The following ZNF423 variants were observed in gnomAD, a reference collection of about 807,000 sequenced individuals.
ZNF423 encodes Ebf-associated zinc finger protein.
ZNF423 carries 12 observed loss-of-function variants against 95.8 expected under a neutral mutation model. The observed-to-expected ratio is 0.13, with a 90% CI of 0.08 to 0.20. The LOEUF (loss-of-function observed/expected upper bound fraction) is 0.20. ZNF423 is among the 10% of genes least tolerant of loss of function. The pLI is 1.00. For missense variants in ZNF423, 1,316 were observed against 1,737.1 expected (o/e 0.76, Z 4.31); for synonymous variants, 749 against 711.9 (o/e 1.05, Z -0.83).
At chr16:49,748,571 C>A (rs1472999040) in intron 2 of ZNF423, among the ~76,000 whole-genome samples, 1 of 152,198 alleles carries the variant, frequency 6.6e-6, no homozygotes, top group Non-Finnish European at 1.5e-5. Context: ...AGAACATCTG[C>A]CAGCTGGCCG....
intron 5 of ZNF423, among the ~76,000 whole-genome samples, chr16:49,544,308 T>G (rs563100662): frequency 6.6e-5 from 10 of 152,224 alleles, no homozygotes; most frequent in Non-Finnish European, 1.3e-4. Flanking sequence ...GATCTGGATG[T>G]GTTCTATTTC....
At chr16:49,536,098 C>T (rs1051133155) in intron 5 of ZNF423, among the ~76,000 whole-genome samples, 1 of 152,134 alleles carries the variant, frequency 6.6e-6, no homozygotes, top group Non-Finnish European at 1.5e-5. Context: ...CTGACAGTTA[C>T]CAACGGGCAC....
intron 1 of ZNF423, among the ~76,000 whole-genome samples, chr16:49,818,741 G>A (rs930913549): frequency 6.6e-6 from 1 of 151,266 alleles, no homozygotes; most frequent in East Asian, 2.0e-4. Context: ...AAATAAATTA[G>A]CTGAGTGTGA....
intron 1 of ZNF423, among the ~76,000 whole-genome samples, chr16:49,805,396 T>C (rs1452395611): frequency 2.0e-5 from 3 of 152,232 alleles, no homozygotes; most frequent in Non-Finnish European, 4.4e-5. Flanking sequence ...GTACTCATCT[T>C]ACAGGTGGAA....
intron 2 of ZNF423, among the ~76,000 whole-genome samples, chr16:49,732,894 C>T (rs142863761): frequency 1.3e-5 from 2 of 152,318 alleles, no homozygotes; most frequent in Non-Finnish European, 2.9e-5. Context: ...CCTGGAACTG[C>T]GCGGAGGCAG....
At chr16:49,826,094 C>T (rs1288721958) in intron 1 of ZNF423, among the ~76,000 whole-genome samples, 1 of 152,160 alleles carries the variant, frequency 6.6e-6, no homozygotes, top group African/African-American at 2.4e-5. Context: ...CACCTGTAGT[C>T]CCAGCTCCTC....
At chr16:49,508,501 G>A (rs1052150526) in intron 7 of ZNF423, among the ~76,000 whole-genome samples, 38 of 101,806 alleles carry the variant, frequency 3.7e-4, no homozygotes, top group South Asian at 1.5e-3. Flanking sequence ...GCCTGAGCAA[G>A]ATTCTCTTTC....
intron 6 of ZNF423, among the ~76,000 whole-genome samples, chr16:49,525,047 A>G (rs543552163): frequency 6.6e-6 from 1 of 152,318 alleles, no homozygotes; most frequent in East Asian, 1.9e-4. Flanking sequence ...CCGGGAGGGG[A>G]AAACTGCCGC....
chr16:49,808,548 T>C (rs1323339699), intron 1 of ZNF423, among the ~76,000 whole-genome samples: 3 of 152,012 alleles, frequency 2.0e-5, no homozygotes, highest in South Asian at 4.1e-4. Context: ...GCACCTCTGA[T>C]AAAGAGGTGC....
chr16:49,596,172 G>GA (rs912253655), intron 5 of ZNF423, among the ~76,000 whole-genome samples: 4 of 151,472 alleles, frequency 2.6e-5, no homozygotes, highest in African/African-American at 7.3e-5. Flanking sequence ...TTTACATTGG[G>GA]AAAAAAAAAT....
intron 7 of ZNF423, among the ~76,000 whole-genome samples, chr16:49,510,278 G>C (rs186544446): frequency 3.9e-5 from 6 of 152,200 alleles, no homozygotes; most frequent in Non-Finnish European, 8.8e-5. Context: ...TCCAGGTGAC[G>C]ACAATGAGTC....
intron 2 of ZNF423, among the ~76,000 whole-genome samples, chr16:49,782,394 T>C (rs772421287): frequency 6.6e-6 from 1 of 152,254 alleles, no homozygotes; most frequent in Non-Finnish European, 1.5e-5. Flanking sequence ...AAAGGAGCCC[T>C]GGCTCCTAGA....
chr16:49,535,589 G>A (rs954662506), intron 5 of ZNF423, among the ~76,000 whole-genome samples: 2 of 152,088 alleles, frequency 1.3e-5, no homozygotes, highest in Non-Finnish European at 2.9e-5. Context: ...GAGAACAAGC[G>A]GGACTTCACT....
At chr16:49,660,444 G>A (rs1165546775) in intron 3 of ZNF423, among the ~76,000 whole-genome samples, 1 of 152,218 alleles carries the variant, frequency 6.6e-6, no homozygotes, top group East Asian at 1.9e-4. Context: ...GAAGCAGCAA[G>A]GAGCCACTCA....
intron 1 of ZNF423, among the ~76,000 whole-genome samples, chr16:49,841,409 C>A (rs1271237588): frequency 6.6e-6 from 1 of 152,150 alleles, no homozygotes; most frequent in Admixed American, 6.5e-5. Context: ...AGCTCCAGGA[C>A]TGCTGGTAAA....
intron 5 of ZNF423, among the ~76,000 whole-genome samples, chr16:49,543,635 G>A (rs928416596): frequency 2.0e-5 from 3 of 152,188 alleles, no homozygotes; most frequent in African/African-American, 4.8e-5. Flanking sequence ...GGAATGGGGC[G>A]CCTGGCGGGT....
chr16:49,822,227 G>A (rs906832353), intron 1 of ZNF423, among the ~76,000 whole-genome samples: 18 of 150,766 alleles, frequency 1.2e-4, no homozygotes, highest in Admixed American at 8.6e-4. Context: ...AGGCTGGAGT[G>A]CAGTGGCGTG....
chr16:49,704,575 TAGAG>T (rs2032293383), intron 3 of ZNF423, among the ~76,000 whole-genome samples: 1 of 152,120 alleles, frequency 6.6e-6, no homozygotes, highest in Admixed American at 6.5e-5. Context: ...TAGAGCCTGA[TAGAG>T]AGGAAGATGC....
At chr16:49,584,183 G>A (rs2151806041) in intron 5 of ZNF423, among the ~76,000 whole-genome samples, 1 of 152,352 alleles carries the variant, frequency 6.6e-6, no homozygotes, top group Non-Finnish European at 1.5e-5. Flanking sequence ...GTGCAAGGGT[G>A]TAAGAGGCCT....
Sources: gnomAD v4.1 joint callset for allele counts (sites outside exome capture counted in the v4.1 genomes callset) on GRCh38, gnomAD v4.1.1 for gene constraint, MANE v1.5 for transcripts, NCBI Gene and HGNC (gene_info 2026-07-23, HGNC 2026-07-21) for gene names.